The following PPFIA2 variants were observed in gnomAD, a reference collection of about 807,000 sequenced individuals.
The protein encoded by PPFIA2 is liprin-alpha-2.
In PPFIA2, 46 loss-of-function variants were observed where a neutral mutation model predicts 175.5. The ratio of observed to expected loss-of-function variants is 0.26; its 90% CI spans 0.21 to 0.34. The LOEUF is 0.34. Among genes scored for constraint, PPFIA2 ranks in the 10% least tolerant of loss-of-function variants. PPFIA2 has a pLI of 1.00. For synonymous variants in PPFIA2, 568 were observed against 511.4 expected (o/e 1.11, Z -1.49); for missense variants, 1,179 against 1,506.1 (o/e 0.78, Z 3.60).
chr12:81,696,436 T>C (rs1346942171), intron 3 of PPFIA2, among the ~76,000 whole-genome samples: 1 of 152,114 alleles, frequency 6.6e-6, no homozygotes. Flanking sequence ...TCAGGAAGTA[T>C]TGGGACCCAG....
intron 8 of PPFIA2, among the ~76,000 whole-genome samples, chr12:81,385,962 T>C (rs185587370): frequency 2.6e-5 from 4 of 152,172 alleles, no homozygotes; most frequent in Admixed American, 1.3e-4. Context: ...CACGAATATG[T>C]ACATTTATTA....
chr12:81,609,192 G>T (rs1375828335), intron 4 of PPFIA2, among the ~76,000 whole-genome samples: 7 of 151,922 alleles, frequency 4.6e-5, no homozygotes, highest in African/African-American at 1.4e-4. Flanking sequence ...TCTGTTATGA[G>T]TAAGCATGTC....
Position 81,339,297 on chromosome 12 carries a change from G to A in PPFIA2, c.2431C>T (p.Leu811Phe), listed in dbSNP as rs1400238512. ...TCTTGGCTGCTGTTGGCACTACCAA[G>A]CCCGAGGCTTTCTGGCTCAAGAGAG... ...SVSLEPESLGLGSANSSQDSL... is the reference protein window; with the variant it reads ...SVSLEPESLGFGSANSSQDSL... The change falls in exon 21 of 33, where the codon CTT becomes TTT. Residue 811 changes from leucine (L) to phenylalanine (F), a missense_variant. Transcript: ENST00000549396. 4.4e-6 allele frequency: 7 copies of A among 1,607,926 alleles called. No homozygotes were observed. The highest frequency in any genetic ancestry group is 5.9e-6 in the Non-Finnish European group (7 of 1,177,254).
chr12:81,477,252 A>G lies in PPFIA2; in HGVS notation c.304-19386T>C, dbSNP rs1245952295. Among the ~76,000 whole-genome samples the G allele has an allele frequency of 2.0e-5, 3 of 152,020 alleles. No individual in the cohort carries two copies. The East Asian group carries it at 5.8e-4, about 29-fold the overall frequency. On this transcript the variant is annotated intron_variant, in intron 4 of 32. Coordinates refer to ENST00000549396, the MANE Select transcript of PPFIA2 (RefSeq NM_003625.5). ...AAGAAAAAAAAGGAAATTTAGTCTG[A>G]AGAAGAAAGACAAAACCTCAGGATT... is the stretch of plus-strand genomic sequence containing the variant.
chr12:81,575,925 G>A (rs2153421109), intron 4 of PPFIA2, among the ~76,000 whole-genome samples: 1 of 151,826 alleles, frequency 6.6e-6, no homozygotes, highest in South Asian at 2.1e-4. Flanking sequence ...TTAAGCATGT[G>A]CTTCCACTTT....
At chr12:81,452,144 C>A (rs761350638) in intron 5 of PPFIA2, among the ~76,000 whole-genome samples, 1 of 151,924 alleles carries the variant, frequency 6.6e-6, no homozygotes, top group African/African-American at 2.4e-5. Flanking sequence ...ACACATCATG[C>A]GTCATTGGGA....
chr12:81,554,071 CA>C (rs2068416091), intron 4 of PPFIA2, among the ~76,000 whole-genome samples: 1 of 151,816 alleles, frequency 6.6e-6, no homozygotes, highest in African/African-American at 2.4e-5. Context: ...CTAAATATCA[CA>C]ATATAAATTA....
chr12:81,517,945 C>T (rs906708903), intron 4 of PPFIA2, among the ~76,000 whole-genome samples: 3 of 98,868 alleles, frequency 3.0e-5, no homozygotes, highest in East Asian at 5.5e-4. Context: ...ATTGGCCTGT[C>T]GTGGGGTGGG....
chr12:81,663,050 T>G (rs192031842), intron 4 of PPFIA2, among the ~76,000 whole-genome samples: 18 of 152,224 alleles, frequency 1.2e-4, no homozygotes, highest in African/African-American at 3.9e-4. Context: ...ATGGGACATA[T>G]CTCAAAATAA....
chr12:81,457,643 A>G (rs768491608), intron 5 of PPFIA2, 122 bp downstream of exon 5: 1 of 552,940 alleles, frequency 1.8e-6, no homozygotes, highest in Non-Finnish European at 3.1e-6. Context: ...TAACTGAGTT[A>G]CTATCTGCTT....
chr12:81,438,320 T>C (rs556228783), intron 7 of PPFIA2, among the ~76,000 whole-genome samples: 3 of 152,132 alleles, frequency 2.0e-5, no homozygotes, highest in Non-Finnish European at 4.4e-5. Flanking sequence ...ATACAAAAAT[T>C]AGCCAGGGGT....
At chr12:81,650,211 G>A (rs563591817) in intron 4 of PPFIA2, among the ~76,000 whole-genome samples, 9 of 151,798 alleles carry the variant, frequency 5.9e-5, no homozygotes, top group African/African-American at 4.8e-5. Context: ...GGGCTTCACC[G>A]GGTTAGCCAG....
intron 11 of PPFIA2, 58 bp downstream of exon 11, chr12:81,374,576 T>G (rs1023188434): frequency 6.6e-7 from 1 of 1,507,352 alleles, no homozygotes; most frequent in Non-Finnish European, 8.9e-7. Flanking sequence ...CATTCCATTT[T>G]GATTACAAGT....
intron 4 of PPFIA2, among the ~76,000 whole-genome samples, chr12:81,614,476 A>G (rs1294615333): frequency 6.6e-6 from 1 of 152,140 alleles, no homozygotes; most frequent in Non-Finnish European, 1.5e-5. Context: ...ATGAATGGAC[A>G]TTACATTCAA....
intron 4 of PPFIA2, among the ~76,000 whole-genome samples, chr12:81,649,861 G>T (rs1351520263): frequency 6.6e-6 from 1 of 152,142 alleles, no homozygotes; most frequent in Non-Finnish European, 1.5e-5. Context: ...GTAGATCAAT[G>T]GTTGATATGG....
intron 4 of PPFIA2, among the ~76,000 whole-genome samples, chr12:81,644,213 T>A (rs970197317): frequency 2.0e-5 from 3 of 151,976 alleles, no homozygotes; most frequent in African/African-American, 7.2e-5. Context: ...AATCTATACC[T>A]CAGTATGGGT....
chr12:81,680,410 G>A (rs1223630177), intron 3 of PPFIA2, among the ~76,000 whole-genome samples: 1 of 151,806 alleles, frequency 6.6e-6, no homozygotes, highest in East Asian at 1.9e-4. Flanking sequence ...TTAAGAAATG[G>A]GTTATAAAAC....
At chr12:81,346,477 T>A (rs2059088497) in intron 18 of PPFIA2, among the ~76,000 whole-genome samples, 1 of 148,836 alleles carries the variant, frequency 6.7e-6, no homozygotes, top group African/African-American at 2.4e-5. Context: ...TAAATATATA[T>A]AATGAAATAT....
chr12:81,611,539 C>T (rs1375589946), intron 4 of PPFIA2, among the ~76,000 whole-genome samples: 1 of 152,108 alleles, frequency 6.6e-6, no homozygotes, highest in South Asian at 2.1e-4. Context: ...TCAGCAGGGC[C>T]GTGGAGGCTG....
Sources: gnomAD v4.1 joint callset for allele counts (sites outside exome capture counted in the v4.1 genomes callset) on GRCh38, gnomAD v4.1.1 for gene constraint, MANE v1.5 for transcripts, NCBI Gene and HGNC (gene_info 2026-07-23, HGNC 2026-07-21) for gene names.